Variants in APPL2 observed in about 807,000 individuals in gnomAD.
The protein encoded by APPL2 is DCC-interacting protein 13-beta.
Under a neutral mutation model 92.7 loss-of-function variants are expected in APPL2, and 84 were observed. The observed-to-expected ratio is 0.91, with a 90% CI of 0.76 to 1.09. APPL2 has a LOEUF of 1.09. Ranked by LOEUF, APPL2 falls within the 50% of genes least tolerant of loss-of-function variation. The pLI is 0.00. For missense variants in APPL2, 736 were observed against 824.5 expected (o/e 0.89, Z 1.31); for synonymous variants, 291 against 291.0 (o/e 1.00, Z 0.00).
chr12:105,223,069 T>C (rs1313555057), intron 2 of APPL2, among the ~76,000 whole-genome samples: 1 of 152,170 alleles, frequency 6.6e-6, no homozygotes, highest in Non-Finnish European at 1.5e-5. Flanking sequence ...GGATTTAGCA[T>C]GCCTTGCTGA....
chr12:105,203,622 C>A (rs1888420447), intron 9 of APPL2, 81 bp downstream of exon 9: 2 of 1,343,590 alleles, frequency 1.5e-6, no homozygotes, highest in East Asian at 2.3e-5. Context: ...ACAGTTAGAA[C>A]CCTCCCCGTG....
chr12:105,181,830 G>T (rs963097891), intron 17 of APPL2, among the ~76,000 whole-genome samples: 2 of 152,044 alleles, frequency 1.3e-5, no homozygotes, highest in African/African-American at 4.8e-5. Context: ...ATTTTTTATT[G>T]TGTCTGTTTG....
chr12:105,202,263 G>A (rs1043308379), intron 9 of APPL2, among the ~76,000 whole-genome samples: 3 of 152,152 alleles, frequency 2.0e-5, no homozygotes, highest in Admixed American at 6.5e-5. Context: ...TAGCCCGGGC[G>A]CAGACCCTGA....
chr12:105,229,370 G>T, intron 1 of APPL2, 147 bp from the exon 2 acceptor site: 1 of 827,344 alleles, frequency 1.2e-6, no homozygotes, highest in Non-Finnish European at 1.8e-6. Flanking sequence ...TTTATTGATA[G>T]TACCAGTACC....
At chr12:105,215,398 T>C (rs1889598723) in intron 4 of APPL2, among the ~76,000 whole-genome samples, 1 of 152,146 alleles carries the variant, frequency 6.6e-6, no homozygotes, top group Non-Finnish European at 1.5e-5. Context: ...GCTGAAAGTA[T>C]AGAAAGAGAA....
At chr12:105,229,814 T>C in intron 1 of APPL2, 1 of 972,460 alleles carries the variant, frequency 1.0e-6, no homozygotes, top group Non-Finnish European at 1.2e-6. Flanking sequence ...GTTTCGCTCT[T>C]GTTGCCCAGG....
In APPL2 at chr12:105,211,257, T is replaced by A. The variant is rs1330018544; in HGVS notation, c.346A>T (p.Ile116Leu). ...GTGAGATCCTTTTCTCGGAATTGTA[T>A]GATAGGTAGAACCATTGTGTCTGCC... ...QLADTMVLPI[I>L]QFREKDLTEV... The change falls in exon 5 of 21, where the codon ATA becomes TTA. Residue 116 changes from isoleucine (I) to leucine (L), a missense_variant. Transcript: ENST00000258530. The A allele has an allele frequency of 6.2e-7, 1 of 1,613,990 alleles. No individual in the cohort carries two copies. Among genetic ancestry groups the A allele is most frequent in the Admixed American group, 1.7e-5 (1 of 60,028 alleles).
intron 18 of APPL2, 103 bp from the exon 19 acceptor site, chr12:105,177,119 C>G (rs1311142358): frequency 6.3e-7 from 1 of 1,596,070 alleles, no homozygotes; most frequent in Non-Finnish European, 8.6e-7. Flanking sequence ...CCTATTAGTC[C>G]TATTAGTGGC....
intron 1 of APPL2, chr12:105,235,259 G>A (rs996134892): frequency 6.6e-6 from 1 of 152,208 alleles, no homozygotes; most frequent in African/African-American, 2.4e-5. Context: ...GCACTCATTT[G>A]CTATATTTAC....
At chr12:105,205,683 A>T (rs981782762) in intron 8 of APPL2, among the ~76,000 whole-genome samples, 5 of 152,244 alleles carry the variant, frequency 3.3e-5, no homozygotes, top group African/African-American at 1.2e-4. Context: ...TGACTGAGCA[A>T]GGCTACGGCC....
chr12:105,188,572 TACC>T, intron 16 of APPL2, 125 bp from the exon 17 acceptor site: 1 of 897,598 alleles, frequency 1.1e-6, no homozygotes, highest in Non-Finnish European at 1.7e-6. Flanking sequence ...AATTTCTCAA[TACC>T]ACTTTTATAA....
chr12:105,190,243 G>A, intron 14 of APPL2, 88 bp from the exon 15 acceptor site: 1 of 1,363,554 alleles, frequency 7.3e-7, no homozygotes, highest in Non-Finnish European at 1.0e-6. Flanking sequence ...TTTTATGAAT[G>A]AAAATACAAG....
At position 105,188,411 on chromosome 12, in the gene APPL2, A is replaced by C. The variant is rs1886917207; in HGVS notation, c.1496T>G (p.Leu499Trp). The change falls in exon 17 of 21, where the codon TTG becomes TGG. Residue 499 changes from leucine to tryptophan, a missense_variant. Leu to Trp is a moderately conservative substitution (Grantham distance 61). Transcript: ENST00000258530. ...LLQQMFIVRFLGSMAVKTDST... is the reference protein window; with the variant it reads ...LLQQMFIVRFWGSMAVKTDST... ...GTCTGTTTTAACTGCCATTGATCCC[A>C]AAAACCGAACTATAAACATCTGCTG... 6.2e-7 allele frequency: 1 copy of C among 1,613,982 alleles called. No individual in the cohort carries two copies. The highest frequency in any genetic ancestry group is 8.5e-7 in the Non-Finnish European group (1 of 1,179,902).
At chr12:105,216,668 G>A (rs1889720771) in intron 4 of APPL2, among the ~76,000 whole-genome samples, 1 of 152,208 alleles carries the variant, frequency 6.6e-6, no homozygotes, top group South Asian at 2.1e-4. Flanking sequence ...TCTCCCCGGA[G>A]CCAACGGAAG....
At chr12:105,195,661 C>T (rs1396799040) in intron 11 of APPL2, 34 bp from the exon 12 acceptor site, 1 of 1,611,772 alleles carries the variant, frequency 6.2e-7, no homozygotes, top group African/African-American at 1.3e-5. Flanking sequence ...TTAAGTGCTT[C>T]CCTGATCTCA....
rs749565099 is a variant in APPL2 at position 105,229,169 on chromosome 12, T to C, written c.109A>G (p.Thr37Ala). 1 of 1,613,580 alleles carries C rather than the reference T, an allele frequency of 6.2e-7. No homozygotes were observed. Among genetic ancestry groups the C allele is most frequent in the South Asian group, 1.1e-5 (1 of 91,022 alleles). ...EEDAGTLTDY[T>A]NQLLQAMQRV... is the part of the protein sequence containing the mutation. Reference sequence around the variant, plus strand: ...TGCATTGCCTGGAGCAGCTGGTTGGTATAGTCTGTGAGGGTGCCAGCATCT... The same window carrying C: ...TGCATTGCCTGGAGCAGCTGGTTGGCATAGTCTGTGAGGGTGCCAGCATCT... Residue 37 changes from threonine to alanine, a missense_variant, in exon 2 of 21, where the codon ACC (threonine) becomes GCC (alanine). Physicochemically the swap from Thr to Ala is moderately conservative, Grantham distance 58. Coordinates refer to ENST00000258530, the MANE Select transcript of APPL2 (RefSeq NM_018171.5).
In APPL2 at chr12:105,203,688, G is replaced by A. The variant is rs1888430697; in HGVS notation, c.704+15C>T. On this transcript the variant is annotated intron_variant, in intron 9 of 20. Transcript: ENST00000258530. ...GGCAAGGGGCACACAAGACCCGGCC[G>A]GAGTGCAGCATTACCTTTGAACCAT... 8 of 1,613,338 alleles carry A rather than the reference G, an allele frequency of 5.0e-6. No individual in the cohort carries two copies. Among genetic ancestry groups the A allele is most frequent in the South Asian group, 3.3e-5 (3 of 91,062 alleles).
chr12:105,187,648 C>G (rs983604491), intron 17 of APPL2, among the ~76,000 whole-genome samples: 3 of 152,302 alleles, frequency 2.0e-5, no homozygotes, highest in African/African-American at 7.2e-5. Context: ...TCCAGTATAT[C>G]TAAAATATTA....
In APPL2 at chr12:105,235,947, G is replaced by A; in HGVS notation, c.54+12C>T. 8.0e-7 allele frequency: 1 copy of A among 1,243,968 alleles called. No individual in the cohort carries two copies. Among genetic ancestry groups the A allele is most frequent in the Non-Finnish European group, 1.0e-6 (1 of 985,446 alleles). The allele number at this position is 1,243,968 out of a possible 1,614,324, so 77.1% of individuals were successfully genotyped here. ...CCCTGCGGGCGAGGGGCACCGGAGC[G>A]GCGGGAGGTACCTGGGGGCTGTCCT... On this transcript the variant is annotated intron_variant, in intron 1 of 20. Coordinates refer to ENST00000258530, the MANE Select transcript of APPL2 (RefSeq NM_018171.5).
Sources: gnomAD v4.1 joint callset for allele counts (sites outside exome capture counted in the v4.1 genomes callset) on GRCh38, gnomAD v4.1.1 for gene constraint, MANE v1.5 for transcripts, NCBI Gene and HGNC (gene_info 2026-07-23, HGNC 2026-07-21) for gene names.